Variants in USP44 observed in about 807,000 individuals in gnomAD.
The protein encoded by USP44 is ubiquitin specific peptidase 44.
Under a neutral mutation model 69.0 loss-of-function variants are expected in USP44, and 61 were observed. The ratio of observed to expected loss-of-function variants is 0.88; its 90% CI spans 0.72 to 1.09. The LOEUF is 1.09. Among genes scored for constraint, USP44 ranks in the 50% least tolerant of loss-of-function variants. The pLI, the probability that USP44 is intolerant of heterozygous loss-of-function variation, is 0.00. For synonymous variants in USP44, 297 were observed against 295.4 expected, an observed-to-expected ratio of 1.01 and a Z score of -0.06; for missense variants, 753 against 849.9, an observed-to-expected ratio of 0.89 and a Z score of 1.42.
chr12:95,516,804 T>C lies in USP44; in HGVS notation c.*1350A>G, dbSNP rs1430678360. On this transcript the variant is annotated 3_prime_UTR_variant, in exon 6 of 6. Transcript: ENST00000258499. ...TTGGTAGAGACCTCTTTCAAGTTTG[T>C]ACTTAACAGATGATCACTAGTGGTG... 1 of 152,190 alleles carries C rather than the reference T, an allele frequency of 6.6e-6. No individual in the cohort carries two copies. Among genetic ancestry groups the C allele is most frequent in the African/African-American group, 2.4e-5 (1 of 41,450 alleles). 9.4% of individuals were successfully genotyped at this position (152,190 alleles called of 1,614,324 possible). A position where few individuals can be genotyped will look rare whatever the true frequency, so the allele number is the denominator to read the frequency against.
Position 95,523,705 on chromosome 12 carries a change from A to AG in USP44, c.1733+974_1733+975insC, listed in dbSNP as rs1555197239. On this transcript the variant is annotated intron_variant, in intron 4 of 5. Coordinates refer to ENST00000258499, the MANE Select transcript of USP44 (RefSeq NM_032147.5). ...TGTCTCTACCAAAAAAAAAAAAAAA[A>AG]AGAGATACAATAAACTGATAAAGAA... Among the ~76,000 whole-genome samples the AG allele has an allele frequency of 9.7e-4, 146 of 150,934 alleles. 1 individual carries two copies. The highest frequency in any genetic ancestry group is 3.4e-3 in the Middle Eastern group (1 of 292).
chr12:95,522,778 CAAAA>C (rs36010747), intron 4 of USP44, among the ~76,000 whole-genome samples: 135 of 99,016 alleles, frequency 1.4e-3, no homozygotes, highest in African/African-American at 4.5e-3. Flanking sequence ...AATTCTGGCT[CAAAA>C]AAAAAAAAAA....
intron 5 of USP44, among the ~76,000 whole-genome samples, chr12:95,518,935 T>TAA (rs58213611): frequency 3.6e-4 from 54 of 149,796 alleles, no homozygotes; most frequent in African/African-American, 1.1e-3. Context: ...GGGACTGTCT[T>TAA]AAAAAAAAAA....
intron 1 of USP44, chr12:95,547,942 T>G (rs1308195241): frequency 6.6e-6 from 1 of 152,172 alleles, no homozygotes; most frequent in Non-Finnish European, 1.5e-5. Context: ...TACTATATAG[T>G]TCACTTTCTT....
At chr12:95,531,190 A>G (rs2077010622) in intron 2 of USP44, among the ~76,000 whole-genome samples, 1 of 152,066 alleles carries the variant, frequency 6.6e-6, no homozygotes. Flanking sequence ...AAACAAAAAA[A>G]AACATATGAT....
chr12:95,533,453 TACTATTGGCCTTCGTTTA>T lies in USP44; in HGVS notation c.786_803del (p.Lys263_Val268del). 6.2e-7 allele frequency: 1 copy of T among 1,614,204 alleles called. No homozygotes were observed. Among genetic ancestry groups the T allele is most frequent in the Non-Finnish European group, 8.5e-7 (1 of 1,180,022 alleles). ...TTCTCAATCCTGTTACACCAGGAGT[TACTATTGGCCTTCGTTTA>T]ACTGAGGAGTCACTGACTTTTTGAG... On this transcript the variant is annotated inframe_deletion, in exon 2 of 6. Transcript: ENST00000258499.
chr12:95,539,193 T>C (rs2077305109), intron 1 of USP44, among the ~76,000 whole-genome samples: 1 of 152,164 alleles, frequency 6.6e-6, no homozygotes, highest in African/African-American at 2.4e-5. Flanking sequence ...TTTTCTTTTT[T>C]TACCAGTGTG....
At chr12:95,545,114 T>A (rs1028086156) in intron 1 of USP44, among the ~76,000 whole-genome samples, 2 of 152,192 alleles carry the variant, frequency 1.3e-5, no homozygotes, top group African/African-American at 4.8e-5. Flanking sequence ...AATGTTTAAT[T>A]TTTAAAACTC....
chr12:95,537,996 T>C (rs1054033137), intron 1 of USP44, among the ~76,000 whole-genome samples: 2 of 152,198 alleles, frequency 1.3e-5, no homozygotes, highest in Admixed American at 6.5e-5. Flanking sequence ...AAAAAATCTA[T>C]TTAGATAATA....
chr12:95,530,999 C>T (rs1345761849), intron 2 of USP44, among the ~76,000 whole-genome samples: 2 of 151,962 alleles, frequency 1.3e-5, no homozygotes, highest in African/African-American at 4.8e-5. Context: ...CCCGTCTCTA[C>T]TAAAAACACA....
intron 3 of USP44, among the ~76,000 whole-genome samples, chr12:95,526,433 G>A (rs1034973242): frequency 5.3e-5 from 8 of 152,078 alleles, no homozygotes; most frequent in African/African-American, 7.2e-5. Flanking sequence ...TTAGCCAGGC[G>A]TGGTGGCGGG....
intron 2 of USP44, among the ~76,000 whole-genome samples, chr12:95,531,979 G>C (rs185619407): frequency 3.7e-4 from 56 of 152,196 alleles, no homozygotes; most frequent in African/African-American, 1.3e-3. Context: ...CTTTTGAGTA[G>C]TAATTAAAAT....
intron 5 of USP44, among the ~76,000 whole-genome samples, chr12:95,519,500 C>T (rs1165408279): frequency 5.3e-5 from 7 of 131,760 alleles, no homozygotes; most frequent in Admixed American, 3.9e-4. Context: ...AGTACAGTGG[C>T]GCAGTCTCGG....
intron 1 of USP44, among the ~76,000 whole-genome samples, chr12:95,536,593 G>T (rs543028003): frequency 6.6e-6 from 1 of 151,940 alleles, no homozygotes; most frequent in Non-Finnish European, 1.5e-5. Flanking sequence ...AAAAATGATT[G>T]ACTCTACCTC....
intron 3 of USP44, 100 bp downstream of exon 3, chr12:95,528,707 T>C: frequency 2.3e-6 from 3 of 1,286,310 alleles, no homozygotes; most frequent in Non-Finnish European, 3.1e-6. Context: ...GAAAAAAAGT[T>C]CATTTTCATA....
In USP44 at chr12:95,521,073, C is replaced by G. The variant is rs143654571; in HGVS notation, c.1863G>C (p.Leu621Phe). Residue 621 changes from leucine (L) to phenylalanine (F), a missense_variant, in exon 5 of 6, where the codon TTG (leucine) becomes TTC (phenylalanine). Leu to Phe is a conservative substitution (Grantham distance 22). Coordinates refer to ENST00000258499, the MANE Select transcript of USP44 (RefSeq NM_032147.5). ...SLRPECFIYD[L>F]SAVVMHHGKG... The stretch of plus-strand genomic sequence containing the variant: ...TCCCATGGTGCATCACCACCGCGGA[C>G]AAGTCATAGATAAAGCATTCTGGTC... The G allele has an allele frequency of 6.2e-7, 1 of 1,614,076 alleles. No individual in the cohort carries two copies. Among genetic ancestry groups the G allele is most frequent in the Non-Finnish European group, 8.5e-7 (1 of 1,180,052 alleles).
At chr12:95,536,168 C>T (rs1592720460) in intron 1 of USP44, among the ~76,000 whole-genome samples, 1 of 151,614 alleles carries the variant, frequency 6.6e-6, no homozygotes. Context: ...TCAGCATCCC[C>T]AGTAGCTGAG....
At position 95,517,790 on chromosome 12, in the gene USP44, T is replaced by C; in HGVS notation, c.*364A>G. The stretch of plus-strand genomic sequence containing the variant: ...GACCAAAGTAGAGTCTAATTTTCCA[T>C]CTATTAAGAATTTGTATAGAAAATA... On this transcript the variant is annotated 3_prime_UTR_variant, in exon 6 of 6. Transcript: ENST00000258499. 1 of 173,142 alleles carries C rather than the reference T, an allele frequency of 5.8e-6. No homozygotes were observed. Among genetic ancestry groups the C allele is most frequent in the Non-Finnish European group, 1.2e-5 (1 of 80,160 alleles). 10.7% of individuals were successfully genotyped at this position (173,142 alleles called of 1,614,324 possible).
In USP44 at chr12:95,519,432, A is replaced by ACTTT. The variant is rs199606254; in HGVS notation, c.1940-1080_1940-1079insAAAG. Among the ~76,000 whole-genome samples the ACTTT allele has an allele frequency of 1.6e-3, 135 of 84,544 alleles. 8 individuals are homozygous for ACTTT. The highest frequency in any genetic ancestry group is 9.8e-3 in the Middle Eastern group (1 of 102). 55.5% of individuals were successfully genotyped at this position (84,544 alleles called of 152,430 possible). ...TTCAGACAAGGTATACTCAATCTGT[A>ACTTT]TTTTTTTTTTTTTTTTTTTTTTTTT... is the stretch of plus-strand genomic sequence containing the variant. On this transcript the variant is annotated intron_variant, in intron 5 of 5. Coordinates refer to ENST00000258499, the MANE Select transcript of USP44 (RefSeq NM_032147.5).
Sources: allele counts gnomAD v4.1 joint callset (sites outside exome capture counted in the v4.1 genomes callset), GRCh38; gene constraint gnomAD v4.1.1; transcripts MANE v1.5; gene names NCBI Gene and HGNC (gene_info 2026-07-23, HGNC 2026-07-21).